ERCC6L2: variants seen among roughly 807,000 people sequenced by gnomAD.
ERCC6L2 encodes the protein DNA excision repair protein ERCC-6-like 2.
ERCC6L2 carries 77 observed loss-of-function variants against 132.0 expected under a neutral mutation model. The ratio of observed to expected loss-of-function variants is 0.58; its 90% CI spans 0.49 to 0.71. The LOEUF is 0.71. Among genes scored for constraint, ERCC6L2 ranks in the 30% least tolerant of loss-of-function variants. The pLI, the probability that ERCC6L2 is intolerant of heterozygous loss-of-function variation, is 0.00. For synonymous variants in ERCC6L2, 583 were observed against 632.4 expected, an observed-to-expected ratio of 0.92 and a Z score of 1.17; for missense variants, 1,542 against 1,837.6, an observed-to-expected ratio of 0.84 and a Z score of 2.94.
rs767745101 is a variant in ERCC6L2, at chr9:96,015,015, G to GTTTTTTTTTTTTTTTTT, written c.*1821_*1837dup. Among the ~76,000 whole-genome samples the GTTTTTTTTTTTTTTTTT allele has an allele frequency of 1.5e-4, 10 of 65,430 alleles. 1 individual carries two copies. The highest frequency in any genetic ancestry group is 2.1e-4 in the Non-Finnish European group (8 of 37,996). 42.9% of individuals were successfully genotyped at this position (65,430 alleles called of 152,430 possible). A position where few individuals can be genotyped will look rare whatever the true frequency, so the allele number is the denominator to read the frequency against. On this transcript the variant is annotated 3_prime_UTR_variant, in exon 19 of 19. Coordinates refer to ENST00000653738, the MANE Select transcript of ERCC6L2 (RefSeq NM_020207.7). ...GCTCTATAGTCTTCATATATGTACAGTTTTTTTTTTTTTTTTTTTTTTTTT... is the reference window on the plus strand; with the variant it reads ...GCTCTATAGTCTTCATATATGTACAGTTTTTTTTTTTTTTTTTTTTTTTTTTTTTTTTTTTTTTTTTT...
intron 13 of ERCC6L2, among the ~76,000 whole-genome samples, chr9:95,960,370 A>C (rs769385261): frequency 2.0e-5 from 3 of 152,170 alleles, no homozygotes; most frequent in Non-Finnish European, 4.4e-5. Flanking sequence ...ATCAATTTCT[A>C]ATCCCTGGAA....
chr9:96,040,439 A>C (rs1462203415), intron 20 of ERCC6L2, among the ~76,000 whole-genome samples: 4 of 152,298 alleles, frequency 2.6e-5, no homozygotes, highest in Admixed American at 2.6e-4. Flanking sequence ...AATTCTCATG[A>C]AGGCCTGGCC....
chr9:95,880,725 A>T, intron 1 of ERCC6L2, 144 bp from the exon 2 acceptor site: 1 of 624,532 alleles, frequency 1.6e-6, no homozygotes, highest in Admixed American at 3.2e-5. Context: ...TTAGAAAAAT[A>T]TCTATACATG....
Position 96,013,227 on chromosome 9 carries a change from A to G in ERCC6L2, c.*24A>G. Reference sequence around the variant, plus strand: ...AAGCATATAAATGAATTACTGCACCAGTAAACTGCTGCCATCACTGTTTAC... The same window carrying G: ...AAGCATATAAATGAATTACTGCACCGGTAAACTGCTGCCATCACTGTTTAC... On this transcript the variant is annotated 3_prime_UTR_variant, in exon 19 of 19. Transcript: ENST00000653738. 2 of 1,329,044 alleles carry G rather than the reference A, an allele frequency of 1.5e-6. No individual in the cohort carries two copies. Among genetic ancestry groups the G allele is most frequent in the South Asian group, 2.5e-5 (2 of 80,862 alleles). 82.3% of individuals were successfully genotyped at this position (1,329,044 alleles called of 1,614,324 possible).
At chr9:95,904,199 C>G (rs1828919605) in intron 3 of ERCC6L2, among the ~76,000 whole-genome samples, 2 of 151,912 alleles carry the variant, frequency 1.3e-5, no homozygotes, top group Non-Finnish European at 2.9e-5. Context: ...ATTTTATGTT[C>G]CGTAATTTTT....
At chr9:95,967,783 C>T (rs963631307) in intron 14 of ERCC6L2, 9 of 152,008 alleles carry the variant, frequency 5.9e-5, no homozygotes, top group Non-Finnish European at 8.8e-5. Flanking sequence ...TTTTTAAATA[C>T]GCTGTTTCTT....
chr9:95,890,708 C>T (rs144455998), intron 2 of ERCC6L2, among the ~76,000 whole-genome samples: 5 of 152,162 alleles, frequency 3.3e-5, no homozygotes, highest in African/African-American at 1.2e-4. Context: ...CGCTTTTTTG[C>T]CCAGGCTGGA....
chr9:95,929,869 T>TA (rs1381221256), intron 11 of ERCC6L2, among the ~76,000 whole-genome samples: 6 of 152,150 alleles, frequency 3.9e-5, no homozygotes. Context: ...GTTCCAATAA[T>TA]AGACTCTATA....
At chr9:95,908,501 T>G (rs1162401711) in intron 4 of ERCC6L2, among the ~76,000 whole-genome samples, 1 of 152,184 alleles carries the variant, frequency 6.6e-6, no homozygotes, top group African/African-American at 2.4e-5. Context: ...AAATTTTGGT[T>G]GTTTTAAGCC....
At position 96,018,299 on chromosome 9, in the gene ERCC6L2, ATG is replaced by A. The variant is rs1410246351; in HGVS notation, c.*5102_*5103del. On this transcript the variant is annotated 3_prime_UTR_variant, in exon 19 of 19. Transcript: ENST00000653738. ...AGACCAAAAGCAACACCTCTCCAGA[ATG>A]TGTGTTATATACCAAATTTTGATGT... 1.3e-5 allele frequency among the ~76,000 whole-genome samples: 2 copies of A among 152,212 alleles called. No homozygotes were observed. Among genetic ancestry groups the A allele is most frequent in the Admixed American group, 1.3e-4 (2 of 15,288 alleles).
At chr9:95,954,585 C>T (rs1022621645) in intron 12 of ERCC6L2, 9 of 347,308 alleles carry the variant, frequency 2.6e-5, no homozygotes, top group African/African-American at 4.3e-5. Context: ...GAAGTATAGG[C>T]GCACAGTAAC....
intron 6 of ERCC6L2, among the ~76,000 whole-genome samples, chr9:95,916,937 G>A (rs547741675): frequency 6.6e-6 from 1 of 151,916 alleles, no homozygotes; most frequent in Non-Finnish European, 1.5e-5. Flanking sequence ...CACCTGCCTC[G>A]GTCTCCCAAA....
intron 17 of ERCC6L2, among the ~76,000 whole-genome samples, chr9:96,001,673 C>T (rs1321162278): frequency 3.3e-5 from 5 of 152,268 alleles, no homozygotes; most frequent in East Asian, 1.9e-4. Flanking sequence ...GATCCCGCAC[C>T]GGGGCTGCAG....
chr9:95,914,361 AT>A (rs971850691), intron 4 of ERCC6L2, among the ~76,000 whole-genome samples: 27 of 148,548 alleles, frequency 1.8e-4, no homozygotes, highest in Admixed American at 5.4e-4. Flanking sequence ...AGTTATAATA[AT>A]TTTTTTTTTT....
intron 1 of ERCC6L2, among the ~76,000 whole-genome samples, chr9:95,879,757 T>C (rs1216703346): frequency 6.6e-6 from 1 of 152,218 alleles, no homozygotes; most frequent in African/African-American, 2.4e-5. Context: ...ATTCTTGCTT[T>C]AGATAGTATA....
At chr9:95,901,821 C>T (rs1391035856) in intron 3 of ERCC6L2, among the ~76,000 whole-genome samples, 1 of 152,084 alleles carries the variant, frequency 6.6e-6, no homozygotes, top group Non-Finnish European at 1.5e-5. Flanking sequence ...AATGGCATCA[C>T]CAGTGACATT....
At chr9:95,923,525 C>A in intron 9 of ERCC6L2, 146 bp downstream of exon 9, 1 of 863,712 alleles carries the variant, frequency 1.2e-6, no homozygotes, top group South Asian at 1.9e-5. Context: ...ATTGTATCAG[C>A]ATTTACTAGG....
chr9:95,981,243 C>G (rs1230806845), intron 17 of ERCC6L2, among the ~76,000 whole-genome samples: 1 of 152,100 alleles, frequency 6.6e-6, no homozygotes, highest in East Asian at 1.9e-4. Flanking sequence ...ATCCTATGGT[C>G]TTTCAGAGTT....
At position 95,881,235 on chromosome 9, in the gene ERCC6L2, A is replaced by G; in HGVS notation, c.413A>G (p.Tyr138Cys). 3 of 1,593,230 alleles carry G rather than the reference A, an allele frequency of 1.9e-6. No individual in the cohort carries two copies. The highest frequency in any genetic ancestry group is 1.1e-5 in the South Asian group (1 of 87,072). The change falls in exon 2 of 19, where the codon TAC becomes TGC. Residue 138 changes from tyrosine to cysteine, a missense_variant. Physicochemically the swap from Tyr to Cys is radical, Grantham distance 194. This residue lies in a region of ERCC6L2 where 945 missense variants were observed against 1,105.2 expected (regional missense o/e 0.86). Transcript: ENST00000653738. ...REGTRFLYGHYIHGGGCILGD... is the reference protein window; with the variant it reads ...REGTRFLYGHCIHGGGCILGD... ...GGAACCCGGTTTCTTTATGGACACTACATCCATGGAGGAGGGTGCATTCTG... is the reference window on the plus strand; with the variant it reads ...GGAACCCGGTTTCTTTATGGACACTGCATCCATGGAGGAGGGTGCATTCTG...
Sources: allele counts gnomAD v4.1 joint callset (sites outside exome capture counted in the v4.1 genomes callset), GRCh38; gene constraint gnomAD v4.1.1; regional missense constraint gnomAD v4.1.1; transcripts MANE v1.5; gene names NCBI Gene and HGNC (gene_info 2026-07-23, HGNC 2026-07-21).